Variants in PIK3R3 observed in about 807,000 individuals in gnomAD.
PIK3R3 encodes the protein phosphatidylinositol 3-kinase regulatory subunit gamma.
PIK3R3 carries 64 observed loss-of-function variants against 62.9 expected under a neutral mutation model. The ratio of observed to expected loss-of-function variants is 1.02; its 90% CI spans 0.83 to 1.25. The LOEUF is 1.25. PIK3R3 is among the 50% of genes most tolerant of loss of function. The pLI is 0.00. For missense variants in PIK3R3, 614 were observed against 561.6 expected, an observed-to-expected ratio of 1.09 and a Z score of -0.94; for synonymous variants, 165 against 189.0, an observed-to-expected ratio of 0.87 and a Z score of 1.04.
At chr1:46,140,064 C>T in the PIK3R3 span, among the ~76,000 whole-genome samples, 1 of 152,332 alleles carries the variant, frequency 6.6e-6, no homozygotes, top group East Asian at 1.9e-4. Context: ...TCATGGCCCA[C>T]TGCAGCCTTG....
chr1:46,071,475 C>T (rs1348350794), intron 3 of PIK3R3, among the ~76,000 whole-genome samples: 1 of 151,424 alleles, frequency 6.6e-6, no homozygotes, highest in Non-Finnish European at 1.5e-5. Flanking sequence ...GCGGGCAGAT[C>T]ACCTGAGGTC....
intron 3 of PIK3R3, among the ~76,000 whole-genome samples, chr1:46,068,531 C>T (rs901332480): frequency 1.3e-5 from 2 of 152,024 alleles, no homozygotes; most frequent in African/African-American, 4.8e-5. Context: ...AAAAATAAAG[C>T]AGAGTAAAGG....
chr1:46,147,283 T>C, the PIK3R3 span, among the ~76,000 whole-genome samples: 15 of 152,254 alleles, frequency 9.9e-5, no homozygotes, highest in African/African-American at 3.6e-4. Flanking sequence ...TTTGTATTTT[T>C]AGTAGAGACT....
At chr1:46,128,581 GTAGA>G (rs1655293090) in intron 1 of PIK3R3, among the ~76,000 whole-genome samples, 1 of 152,210 alleles carries the variant, frequency 6.6e-6, no homozygotes, top group African/African-American at 2.4e-5. Context: ...AGGACCTTAA[GTAGA>G]AAGGCACCTA....
chr1:46,060,404 C>T (rs1226136441), intron 6 of PIK3R3, among the ~76,000 whole-genome samples: 1 of 152,022 alleles, frequency 6.6e-6, no homozygotes, highest in African/African-American at 2.4e-5. Flanking sequence ...ATACAAGAAT[C>T]GCTTGAACCC....
intron 1 of PIK3R3, among the ~76,000 whole-genome samples, chr1:46,085,753 G>C (rs1014528678): frequency 6.6e-5 from 10 of 152,190 alleles, no homozygotes. Context: ...CTTGCATTAG[G>C]TGAGCACTGC....
At position 46,041,810 on chromosome 1, in the gene PIK3R3, T is replaced by G. The variant is rs1329270336; in HGVS notation, c.*1863A>C. 4.7e-6 allele frequency: 1 copy of G among 210,754 alleles called. No individual in the cohort carries two copies. Among genetic ancestry groups the G allele is most frequent in the African/African-American group, 2.3e-5 (1 of 44,110 alleles). 13.1% of individuals were successfully genotyped at this position (210,754 alleles called of 1,614,324 possible). On this transcript the variant is annotated 3_prime_UTR_variant, in exon 10 of 10. Transcript: ENST00000262741. ...TCTCTGTCTCACCCAATCCTGAAAC[T>G]GCAGTGTAACCAAGAAAAAGCCAAA... is the stretch of plus-strand genomic sequence containing the variant.
chr1:46,060,141 C>T (rs965632455), intron 6 of PIK3R3, among the ~76,000 whole-genome samples: 1 of 151,560 alleles, frequency 6.6e-6, no homozygotes, highest in Non-Finnish European at 1.5e-5. Flanking sequence ...TGCTACTTTA[C>T]TTCCCTCTGC....
intron 1 of PIK3R3, among the ~76,000 whole-genome samples, chr1:46,127,451 AG>A (rs1163375087): frequency 6.6e-6 from 1 of 151,942 alleles, no homozygotes; most frequent in Non-Finnish European, 1.5e-5. Flanking sequence ...TAATTTAAAA[AG>A]GAAGTTATTT....
In PIK3R3 at chr1:46,132,507, G is replaced by A; in HGVS notation, c.-555C>T. 32 of 1,228,956 alleles carry A rather than the reference G, an allele frequency of 2.6e-5. No individual in the cohort carries two copies. The highest frequency in any genetic ancestry group is 3.2e-5 in the Non-Finnish European group (31 of 958,572). 76.1% of individuals were successfully genotyped at this position (1,228,956 alleles called of 1,614,324 possible). On this transcript the variant is annotated 5_prime_UTR_variant, in exon 1 of 10. Coordinates refer to ENST00000262741, the MANE Select transcript of PIK3R3 (RefSeq NM_003629.4). Reference sequence around the variant, plus strand: ...CTCCTCTCCGGTCGGTCTCGGAACCGAAGCTGCCGCAGCCTCGGGAATGGG... The same window carrying A: ...CTCCTCTCCGGTCGGTCTCGGAACCAAAGCTGCCGCAGCCTCGGGAATGGG...
intron 1 of PIK3R3, among the ~76,000 whole-genome samples, chr1:46,106,789 T>C (rs1414776593): frequency 6.6e-6 from 1 of 152,100 alleles, no homozygotes; most frequent in Non-Finnish European, 1.5e-5. Flanking sequence ...TTTTTTTTCT[T>C]TTTTTGACAG....
At chr1:46,067,195 GT>G in intron 3 of PIK3R3, 104 bp from the exon 4 acceptor site, 1 of 726,482 alleles carries the variant, frequency 1.4e-6, no homozygotes, top group South Asian at 2.0e-5. Context: ...TGATAAACAA[GT>G]TTTACTATGT....
At chr1:46,106,510 C>T (rs1653219187) in intron 1 of PIK3R3, among the ~76,000 whole-genome samples, 1 of 152,122 alleles carries the variant, frequency 6.6e-6, no homozygotes, top group Admixed American at 6.6e-5. Context: ...TTTCAAATTG[C>T]TTTTCTTCCA....
chr1:46,116,101 A>C (rs1290843889), intron 1 of PIK3R3, among the ~76,000 whole-genome samples: 3 of 152,184 alleles, frequency 2.0e-5, no homozygotes, highest in Non-Finnish European at 2.9e-5. Flanking sequence ...GGCATTTTTG[A>C]GAGGATGGAA....
chr1:46,045,214 C>T (rs1447844513), intron 9 of PIK3R3, among the ~76,000 whole-genome samples: 2 of 152,150 alleles, frequency 1.3e-5, no homozygotes, highest in Admixed American at 6.5e-5. Context: ...AAGTAATTTA[C>T]CCAAAGTTAC....
chr1:46,133,883 C>G (rs918878074), upstream of PIK3R3, among the ~76,000 whole-genome samples: 3 of 152,122 alleles, frequency 2.0e-5, no homozygotes, highest in Non-Finnish European at 4.4e-5. Context: ...TGGAATCTCT[C>G]ACCAAAAGGG....
In PIK3R3 at chr1:46,131,913, C is replaced by G. The variant is rs1379034534; in HGVS notation, c.40G>C (p.Asp14His). 1 of 1,613,908 alleles carries G rather than the reference C, an allele frequency of 6.2e-7. No homozygotes were observed. Among genetic ancestry groups the G allele is most frequent in the East Asian group, 2.2e-5 (1 of 44,884 alleles). ...TAGGGCATCATCACCTCCCTCCAGT[C>G]TGCGTCATCGCGGTCCATACTCCAC... ...TVWSMDRDDA[D>H]WREVMMPYST... is the part of the protein sequence containing the mutation. The change falls in exon 1 of 10, where the codon GAC becomes CAC. Residue 14 changes from aspartate (D) to histidine (H), a missense_variant. Physicochemically the swap from Asp to His is moderately conservative, Grantham distance 81. Coordinates refer to ENST00000262741, the MANE Select transcript of PIK3R3 (RefSeq NM_003629.4).
At chr1:46,121,877 A>G (rs1419073708) in intron 1 of PIK3R3, among the ~76,000 whole-genome samples, 1 of 152,016 alleles carries the variant, frequency 6.6e-6, no homozygotes, top group African/African-American at 2.4e-5. Context: ...CTGATATGCG[A>G]CATGCAAAAT....
At position 46,077,632 on chromosome 1, in the gene PIK3R3, A is replaced by C; in HGVS notation, c.216-19T>G. ...CTCCTCCCTGAAGAACAGAATTATA[A>C]GAAAAATGAAAAAATGTCAACACTG... On this transcript the variant is annotated intron_variant, in intron 2 of 9. Coordinates refer to ENST00000262741, the MANE Select transcript of PIK3R3 (RefSeq NM_003629.4). 6.6e-7 allele frequency: 1 copy of C among 1,506,360 alleles called. No homozygotes were observed. The highest frequency in any genetic ancestry group is 9.2e-7 in the Non-Finnish European group (1 of 1,082,388). The allele number at this position is 1,506,360 out of a possible 1,614,324, so 93.3% of individuals were successfully genotyped here. A position where few individuals can be genotyped will look rare whatever the true frequency, so the allele number is the denominator to read the frequency against.
Sources: allele counts gnomAD v4.1 joint callset (sites outside exome capture counted in the v4.1 genomes callset), GRCh38; gene constraint gnomAD v4.1.1; transcripts MANE v1.5; gene names NCBI Gene and HGNC (gene_info 2026-07-23, HGNC 2026-07-21).